CABLES1: variants seen among roughly 807,000 people sequenced by gnomAD.
The protein encoded by CABLES1 is CDK5 and ABL1 enzyme substrate 1.
CABLES1 carries 36 observed loss-of-function variants against 57.8 expected under a neutral mutation model. That is an observed-to-expected ratio of 0.62 (90% CI 0.48 to 0.82). CABLES1 has a LOEUF of 0.82. Ranked by LOEUF, CABLES1 falls within the 40% of genes least tolerant of loss-of-function variation. The pLI is 0.00. For missense variants in CABLES1, 767 were observed against 836.6 expected, an observed-to-expected ratio of 0.92 and a Z score of 1.03; for synonymous variants, 374 against 363.0, an observed-to-expected ratio of 1.03 and a Z score of -0.35.
rs550759267 is a variant in CABLES1, at chr18:23,245,570, T to G, written c.1447-7390T>G. ...CAGTCGATATGGGAGACTTTTCATC[T>G]GGATAACTAAGTTGTGGTCTTCTCT... is the stretch of plus-strand genomic sequence containing the variant. On this transcript the variant is annotated intron_variant, in intron 7 of 9. Transcript: ENST00000256925. 2.6e-5 allele frequency among the ~76,000 whole-genome samples: 4 copies of G among 152,174 alleles called. No individual in the cohort carries two copies. In the South Asian group the frequency reaches 8.3e-4, roughly 32 times the overall value.
intron 1 of CABLES1, among the ~76,000 whole-genome samples, chr18:23,138,006 G>C (rs947673070): frequency 2.0e-5 from 3 of 152,212 alleles, no homozygotes; most frequent in Non-Finnish European, 4.4e-5. Context: ...TGCAAACTCA[G>C]CGTTTCTGGG....
intron 1 of CABLES1, chr18:23,155,994 G>A (rs1338687819): frequency 6.2e-7 from 1 of 1,612,930 alleles, no homozygotes; most frequent in African/African-American, 1.3e-5. Flanking sequence ...AGAGAGCTGA[G>A]TCTGTTTTTT....
intron 8 of CABLES1, 83 bp downstream of exon 8, chr18:23,253,149 T>A: frequency 1.3e-6 from 1 of 780,318 alleles, no homozygotes; most frequent in Non-Finnish European, 2.2e-6. Flanking sequence ...TGTCCAGTGG[T>A]CCTTCCTGTG....
intron 4 of CABLES1, among the ~76,000 whole-genome samples, chr18:23,224,785 G>T (rs972810775): frequency 6.6e-6 from 1 of 152,016 alleles, no homozygotes; most frequent in African/African-American, 2.4e-5. Context: ...TAGCCAGGAT[G>T]GTCTCGATCT....
intron 1 of CABLES1, among the ~76,000 whole-genome samples, chr18:23,177,495 A>T (rs567583019): frequency 7.9e-5 from 12 of 151,422 alleles, no homozygotes; most frequent in African/African-American, 2.7e-4. Flanking sequence ...CCGCCGGTCT[A>T]TGTGTGGTCA....
chr18:23,235,798 G>C, intron 5 of CABLES1, 97 bp from the exon 6 acceptor site: 1 of 1,187,428 alleles, frequency 8.4e-7, no homozygotes, highest in Non-Finnish European at 1.2e-6. Context: ...AGGAGAAAGT[G>C]GACCTGAATG....
At chr18:23,234,868 G>A (rs902503542) in intron 5 of CABLES1, among the ~76,000 whole-genome samples, 164 bp downstream of exon 5, 1 of 152,242 alleles carries the variant, frequency 6.6e-6, no homozygotes, top group African/African-American at 2.4e-5. Flanking sequence ...CTAGTGTGCA[G>A]CCGGTGATTG....
At chr18:23,146,296 A>G (rs1196464944) in intron 1 of CABLES1, among the ~76,000 whole-genome samples, 1 of 152,070 alleles carries the variant, frequency 6.6e-6, no homozygotes, top group Non-Finnish European at 1.5e-5. Context: ...GTGATGTTGA[A>G]TGGTAGTTCT....
chr18:23,152,915 C>A (rs1290169882), intron 1 of CABLES1, among the ~76,000 whole-genome samples: 2 of 151,916 alleles, frequency 1.3e-5, no homozygotes, highest in African/African-American at 4.8e-5. Context: ...GACTCTCCTG[C>A]CTCAGCCTCC....
intron 4 of CABLES1, among the ~76,000 whole-genome samples, chr18:23,230,437 T>C (rs1437769468): frequency 1.3e-5 from 2 of 152,220 alleles, no homozygotes; most frequent in Non-Finnish European, 2.9e-5. Flanking sequence ...TTTTGTTTTC[T>C]GTGGACGGCT....
intron 7 of CABLES1, among the ~76,000 whole-genome samples, chr18:23,248,630 C>T (rs1039832468): frequency 6.0e-5 from 9 of 149,310 alleles, no homozygotes; most frequent in Non-Finnish European, 1.3e-4. Flanking sequence ...GAGTTTGAGA[C>T]CAGCCTGACC....
At chr18:23,212,909 G>C (rs143225308) in intron 3 of CABLES1, among the ~76,000 whole-genome samples, 60 of 152,308 alleles carry the variant, frequency 3.9e-4, no homozygotes, top group Middle Eastern at 6.8e-3. Context: ...AGCATGCAAA[G>C]AACACAAGTA....
intron 4 of CABLES1, among the ~76,000 whole-genome samples, chr18:23,221,256 T>C (rs182179447): frequency 5.9e-5 from 9 of 152,362 alleles, no homozygotes; most frequent in African/African-American, 1.9e-4. Flanking sequence ...CATAAAATAT[T>C]GTTTGATTTA....
chr18:23,257,366 A>C lies in CABLES1; in HGVS notation c.1901A>C (p.Ter634SerextTer25). The C allele has an allele frequency of 6.3e-7, 1 of 1,597,062 alleles. No individual in the cohort carries two copies. The highest frequency in any genetic ancestry group is 8.5e-7 in the Non-Finnish European group (1 of 1,175,164). Residue 634 changes from the stop codon to serine, a stop_lost, in exon 10 of 10, where the codon TAG (stop) becomes TCG (serine). Coordinates refer to ENST00000256925, the MANE Select transcript of CABLES1 (RefSeq NM_001100619.3). ...PHYRRLVQSS[*>S] ...TACAGACGGCTGGTCCAGAGTTCCT[A>C]GCACTGGCCCCGAGGACAGCCAAGG... is the stretch of plus-strand genomic sequence containing the variant.
intron 7 of CABLES1, among the ~76,000 whole-genome samples, chr18:23,242,647 G>T (rs1458594579): frequency 6.6e-6 from 1 of 152,134 alleles, no homozygotes; most frequent in Non-Finnish European, 1.5e-5. Flanking sequence ...TGGATTTCTG[G>T]ATTCTTTTCT....
chr18:23,159,059 G>C (rs1461012730), intron 1 of CABLES1, among the ~76,000 whole-genome samples: 2 of 152,174 alleles, frequency 1.3e-5, no homozygotes, highest in African/African-American at 2.4e-5. Context: ...GCCACCTCTT[G>C]AGTTCAAGCG....
chr18:23,166,013 G>A (rs2047039907), intron 1 of CABLES1, among the ~76,000 whole-genome samples: 1 of 152,188 alleles, frequency 6.6e-6, no homozygotes, highest in Non-Finnish European at 1.5e-5. Context: ...TTCTAGCAGG[G>A]TGTGGGTGTG....
intron 4 of CABLES1, among the ~76,000 whole-genome samples, chr18:23,219,498 A>G (rs577902221): frequency 3.3e-5 from 5 of 152,372 alleles, no homozygotes; most frequent in Admixed American, 1.3e-4. Context: ...CGGATGATCC[A>G]GCTCCTCGTG....
intron 3 of CABLES1, among the ~76,000 whole-genome samples, chr18:23,208,608 A>G (rs1175787352): frequency 1.3e-5 from 2 of 152,198 alleles, no homozygotes; most frequent in African/African-American, 4.8e-5. Flanking sequence ...CTCTGTGCAC[A>G]GCACTCATAG....
Sources: gnomAD v4.1 joint callset for allele counts (sites outside exome capture counted in the v4.1 genomes callset) on GRCh38, gnomAD v4.1.1 for gene constraint, MANE v1.5 for transcripts, NCBI Gene and HGNC (gene_info 2026-07-23, HGNC 2026-07-21) for gene names.